F5: variants seen among roughly 807,000 people sequenced by gnomAD.
F5 encodes the protein activated protein c cofactor.
Under a neutral mutation model 216.4 loss-of-function variants are expected in F5, and 138 were observed. The ratio of observed to expected loss-of-function variants is 0.64; its 90% CI spans 0.56 to 0.73. The LOEUF (loss-of-function observed/expected upper bound fraction) is 0.73. Ranked by LOEUF, F5 falls within the 30% of genes least tolerant of loss-of-function variation. F5 has a pLI of 0.00. For synonymous variants in F5, 916 were observed against 930.7 expected (o/e 0.98, Z 0.29); for missense variants, 2,403 against 2,674.0 (o/e 0.90, Z 2.24).
chr1:169,539,739 G>A (rs1042861281), intron 13 of F5, among the ~76,000 whole-genome samples: 6 of 152,132 alleles, frequency 3.9e-5, no homozygotes, highest in Non-Finnish European at 7.4e-5. Flanking sequence ...ACTAAGCCTT[G>A]CTCCTTTCCT....
In F5 at chr1:169,523,887, A is replaced by G; in HGVS notation, c.5806T>C (p.Leu1936=). The G allele has an allele frequency of 6.2e-7, 1 of 1,613,678 alleles. No homozygotes were observed. Among genetic ancestry groups the G allele is most frequent in the Non-Finnish European group, 8.5e-7 (1 of 1,179,778 alleles). The change falls in exon 20 of 25, where the codon TTA becomes CTA. Residue 1936 remains leucine, a synonymous_variant. Transcript: ENST00000367797. ...SEFLGYWEPR[L]ARLNNGGSYN... ...GATCCACCATTGTTTAATCTTGCTA[A>G]TCTGGGCTCCCAGTAACCTAAACTC...
At chr1:169,580,088 C>T (rs1484564955) in intron 2 of F5, among the ~76,000 whole-genome samples, 3 of 152,186 alleles carry the variant, frequency 2.0e-5, no homozygotes, top group Non-Finnish European at 4.4e-5. Flanking sequence ...TAAAATGCAT[C>T]TATCACCCAA....
chr1:169,560,421 T>A, intron 4 of F5, 133 bp downstream of exon 4: 1 of 791,450 alleles, frequency 1.3e-6, no homozygotes, highest in Non-Finnish European at 2.1e-6. Context: ...CAAACAATGA[T>A]CTGGTCTCCG....
At chr1:169,536,319 CTT>C (rs58033656) in intron 14 of F5, among the ~76,000 whole-genome samples, 185 bp downstream of exon 14, 28 of 147,342 alleles carry the variant, frequency 1.9e-4, no homozygotes, top group Admixed American at 5.4e-4. Flanking sequence ...AAAATGAGAT[CTT>C]TTTTTTTTTT....
chr1:169,549,880 A>T lies in F5; in HGVS notation c.1532T>A (p.Ile511Asn). The stretch of plus-strand genomic sequence containing the variant: ...TAGCCCAGAGGCGATGTCTCTCATG[A>T]TGTCCACGTCACTGTAGTATGGTCT... The part of the protein sequence containing the change: ...LTRPYYSDVD[I>N]MRDIASGLIG... Residue 511 changes from isoleucine to asparagine, a missense_variant, in exon 10 of 25, where the codon ATC becomes AAC. Coordinates refer to ENST00000367797, the MANE Select transcript of F5 (RefSeq NM_000130.5). The T allele has an allele frequency of 2.5e-6, 4 of 1,614,120 alleles. No individual in the cohort carries two copies. Among genetic ancestry groups the T allele is most frequent in the Non-Finnish European group, 3.4e-6 (4 of 1,180,000 alleles).
chr1:169,566,205 A>G (rs184709844), intron 3 of F5, among the ~76,000 whole-genome samples: 72 of 152,160 alleles, frequency 4.7e-4, no homozygotes, highest in Admixed American at 1.2e-3. Context: ...TTCTTGCTAC[A>G]TGGCCTCATA....
At position 169,542,536 on chromosome 1, in the gene F5, G is replaced by C. The variant is rs777213900; in HGVS notation, c.2554C>G (p.Leu852Val). 30 of 1,613,990 alleles carry C rather than the reference G, an allele frequency of 1.9e-5. No individual in the cohort carries two copies. Among genetic ancestry groups the C allele is most frequent in the Non-Finnish European group, 2.5e-5 (29 of 1,179,980 alleles). ...TGACTTTTGAATTCTCCAGCACCAA[G>C]TGAAAGTAGACGTATCCCTGTGACA... Reference protein sequence around the residue: ...PDVTGIRLLSLGAGEFKSQEH... With the variant: ...PDVTGIRLLSVGAGEFKSQEH... Residue 852 changes from leucine to valine, a missense_variant, in exon 13 of 25, where the codon CTT (leucine) becomes GTT (valine). Around this residue, in one of 4 missense-constraint regions of F5, gnomAD observed 1,425 missense variants for 1,554.8 expected, o/e 0.92. Coordinates refer to ENST00000367797, the MANE Select transcript of F5 (RefSeq NM_000130.5).
At chr1:169,575,842 G>T (rs1293711575) in intron 2 of F5, among the ~76,000 whole-genome samples, 1 of 152,050 alleles carries the variant, frequency 6.6e-6, no homozygotes, top group Non-Finnish European at 1.5e-5. Flanking sequence ...TAATCTCTGG[G>T]ACCTGGAAAT....
In F5 at chr1:169,540,241, T is replaced by C. The variant is rs1659801508; in HGVS notation, c.4796+53A>G. ...ATCCCCCTGAATTGTAGTAGCTACT[T>C]TTTTCAGCAGTAATGGAAAAATGAG... On this transcript the variant is annotated intron_variant, in intron 13 of 24. Transcript: ENST00000367797. The C allele has an allele frequency of 2.5e-6, 4 of 1,595,970 alleles. No homozygotes were observed. In the African/African-American group the frequency reaches 5.4e-5, roughly 21 times the overall value.
chr1:169,560,468 A>G, intron 4 of F5, 86 bp downstream of exon 4: 9 of 1,339,152 alleles, frequency 6.7e-6, no homozygotes, highest in Non-Finnish European at 9.6e-6. Context: ...AGAAGTTACC[A>G]AGATGCTCCC....
At chr1:169,562,791 T>C (rs1571592137) in intron 3 of F5, among the ~76,000 whole-genome samples, 1 of 152,194 alleles carries the variant, frequency 6.6e-6, no homozygotes, top group East Asian at 1.9e-4. Context: ...TTTATTTATA[T>C]ATACATAATA....
At chr1:169,524,040 G>C in intron 19 of F5, 136 bp from the exon 20 acceptor site, 1 of 738,860 alleles carries the variant, frequency 1.4e-6, no homozygotes, top group Non-Finnish European at 2.4e-6. Flanking sequence ...ATGGGCCTCA[G>C]CTACTAGGCC....
At chr1:169,530,554 T>C (rs902889770) in intron 15 of F5, among the ~76,000 whole-genome samples, 4 of 152,220 alleles carry the variant, frequency 2.6e-5, no homozygotes, top group African/African-American at 7.2e-5. Flanking sequence ...GGCCAATCAT[T>C]CAAGTAATCT....
At chr1:169,528,482 G>A (rs1447233263) in intron 16 of F5, among the ~76,000 whole-genome samples, 1 of 152,158 alleles carries the variant, frequency 6.6e-6, no homozygotes, top group Non-Finnish European at 1.5e-5. Flanking sequence ...ATTAGAGTCA[G>A]CAAGGAGATA....
At chr1:169,536,453 CT>C in intron 14 of F5, 52 bp downstream of exon 14, 1 of 1,499,046 alleles carries the variant, frequency 6.7e-7, no homozygotes. Flanking sequence ...TTACAACCCT[CT>C]GGTGCTTGTG....
At chr1:169,521,573 A>G (rs1441680113) in intron 21 of F5, among the ~76,000 whole-genome samples, 2 of 151,892 alleles carry the variant, frequency 1.3e-5, no homozygotes, top group African/African-American at 4.8e-5. Flanking sequence ...ACAGAAAAAC[A>G]ATAGAGAAAA....
chr1:169,543,741 C>T (rs1018137563), intron 12 of F5, among the ~76,000 whole-genome samples: 5 of 152,086 alleles, frequency 3.3e-5, no homozygotes, highest in African/African-American at 7.2e-5. Flanking sequence ...AGGCACTTGG[C>T]GCATATTACT....
intron 10 of F5, among the ~76,000 whole-genome samples, chr1:169,547,359 A>G (rs1371702392): frequency 6.6e-6 from 1 of 152,240 alleles, no homozygotes; most frequent in Non-Finnish European, 1.5e-5. Context: ...AATTGAAATA[A>G]AGAGCTCCTG....
chr1:169,521,159 T>C (rs191533934), intron 21 of F5, among the ~76,000 whole-genome samples: 2 of 152,236 alleles, frequency 1.3e-5, no homozygotes, highest in Admixed American at 1.3e-4. Flanking sequence ...CTTCTGTCCT[T>C]TAGTCAAACA....
Sources: gnomAD v4.1 joint callset for allele counts (sites outside exome capture counted in the v4.1 genomes callset) on GRCh38, gnomAD v4.1.1 for gene constraint, gnomAD v4.1.1 regional missense constraint, MANE v1.5 for transcripts, NCBI Gene and HGNC (gene_info 2026-07-23, HGNC 2026-07-21) for gene names.